Variants in LENG1 observed in about 807,000 individuals in gnomAD.
LENG1 encodes the protein leukocyte receptor cluster member 1.
A neutral mutation model predicts 28.8 loss-of-function variants in LENG1; 35 were observed. The observed-to-expected ratio is 1.22, with a 90% CI of 0.93 to 1.61. The LOEUF is 1.61. LENG1 is among the 40% of genes most tolerant of loss of function. The pLI is 0.00. For synonymous variants in LENG1, 170 were observed against 140.6 expected (o/e 1.21, Z -1.48); for missense variants, 404 against 348.9 (o/e 1.16, Z -1.26).
Position 54,155,595 on chromosome 19 carries a change from C to T in LENG1, c.*126G>A. ...CTGGGGGCCCGGGGGCGAGGGCTGC[C>T]CCCTCCTCCCCTCCCCAGTGAGGGA... is the stretch of plus-strand genomic sequence containing the variant. On this transcript the variant is annotated 3_prime_UTR_variant, in exon 4 of 4. Coordinates refer to ENST00000222224, the MANE Select transcript of LENG1 (RefSeq NM_024316.3). The T allele has an allele frequency of 9.2e-7, 1 of 1,090,198 alleles. No homozygotes were observed. The highest frequency in any genetic ancestry group is 1.3e-6 in the Non-Finnish European group (1 of 765,290). The allele number at this position is 1,090,198 out of a possible 1,614,324, so 67.5% of individuals were successfully genotyped here.
chr19:54,155,550 GTTTT>G lies in LENG1; in HGVS notation c.*167_*170del. On this transcript the variant is annotated 3_prime_UTR_variant, in exon 4 of 4. Transcript: ENST00000222224. ...CAGGAAGCAGGGAGGGGGCCGGGAG[GTTTT>G]CCTCTCAGCCCCACCCTGGGGGCCC... 1.1e-6 allele frequency: 1 copy of G among 929,058 alleles called. No individual in the cohort carries two copies. Among genetic ancestry groups the G allele is most frequent in the Non-Finnish European group, 1.6e-6 (1 of 627,356 alleles). The allele number at this position is 929,058 out of a possible 1,614,324, so 57.6% of individuals were successfully genotyped here. A position where few individuals can be genotyped will look rare whatever the true frequency, so the allele number is the denominator to read the frequency against.
At chr19:54,158,523 T>C (rs770414730) in intron 1 of LENG1, 62 bp from the exon 2 acceptor site, 2 of 1,509,922 alleles carry the variant, frequency 1.3e-6, no homozygotes, top group Non-Finnish European at 1.8e-6. Flanking sequence ...ACTGTGAGTC[T>C]GGTGCCCACC....
chr19:54,159,508 C>A (rs2075461173), intron 1 of LENG1, 56 bp downstream of exon 1: 3 of 1,465,980 alleles, frequency 2.0e-6, no homozygotes, highest in Middle Eastern at 4.9e-4. Flanking sequence ...CGGCCCCCAA[C>A]CGCGGCGCCT....
intron 1 of LENG1, among the ~76,000 whole-genome samples, chr19:54,159,063 G>C (rs1485408019): frequency 6.6e-6 from 1 of 152,238 alleles, no homozygotes; most frequent in Non-Finnish European, 1.5e-5. Context: ...GTGGAGCCTG[G>C]CTGTCCGCCT....
rs2075398823 is a variant in LENG1, at chr19:54,156,853, T to G, written c.485A>C (p.Lys162Thr). The change falls in exon 3 of 4, where the codon AAG becomes ACG. Residue 162 changes from lysine (K) to threonine (T), a missense_variant. Coordinates refer to ENST00000222224, the MANE Select transcript of LENG1 (RefSeq NM_024316.3). ...GTGCTGTCTCTTCTTCCCCAGATGC[T>G]TCTGCATCTCCCGCAGAGGGTCCAG... The part of the protein sequence containing the change: ...SRLDPLREMQ[K>T]HLGKKRQHGG... 1 of 1,613,554 alleles carries G rather than the reference T, an allele frequency of 6.2e-7. No individual in the cohort carries two copies. Among genetic ancestry groups the G allele is most frequent in the East Asian group, 2.2e-5 (1 of 44,880 alleles).
rs762598597 is a variant in LENG1, at chr19:54,158,458, G to A, written c.136C>T (p.Arg46Cys). ...GCTTTCTTCCGTAGGAATTCTGTAC[G>A]GGCCTGGGGAGAAAGTTATAGGCAG... is the stretch of plus-strand genomic sequence containing the variant. ...RRVLLAQQEARTEFLRKKARH... is the reference protein window; with the variant it reads ...RRVLLAQQEACTEFLRKKARH... The change falls in exon 2 of 4, where the codon CGT becomes TGT. Residue 46 changes from arginine (R) to cysteine (C), a missense_variant. Arg to Cys is a radical substitution (Grantham distance 180). Coordinates refer to ENST00000222224, the MANE Select transcript of LENG1 (RefSeq NM_024316.3). The A allele has an allele frequency of 1.2e-6, 2 of 1,612,522 alleles. No homozygotes were observed. Among genetic ancestry groups the A allele is most frequent in the African/African-American group, 1.3e-5 (1 of 74,786 alleles).
rs751319747 is a variant in LENG1 at position 54,155,838 on chromosome 19, T to C, written c.678A>G (p.Leu226=). 5.0e-6 allele frequency: 8 copies of C among 1,612,682 alleles called. No individual in the cohort carries two copies. The highest frequency in any genetic ancestry group is 1.1e-5 in the South Asian group (1 of 90,852). The change falls in exon 4 of 4, where the codon CTA becomes CTG. Residue 226 remains leucine (L), a synonymous_variant. Transcript: ENST00000222224. ...CGTCTTCTTCCGGCTGACCCTCCTG[T>C]AGTGCCCGGCCTTGGACCCGGGCCA... ...ALLARVQGRA[L]QEGQPEEDET...
chr19:54,158,153 T>C, intron 2 of LENG1, 129 bp downstream of exon 2: 2 of 875,878 alleles, frequency 2.3e-6, no homozygotes, highest in Non-Finnish European at 3.6e-6. Context: ...TTGAGTGTCA[T>C]GCCTTGGTAT....
chr19:54,157,211 ACAG>A (rs2075410206), intron 2 of LENG1, among the ~76,000 whole-genome samples, 186 bp from the exon 3 acceptor site: 1 of 152,152 alleles, frequency 6.6e-6, no homozygotes. Context: ...AGGTACAGTA[ACAG>A]CAGGGGAAGG....
chr19:54,157,196 G>A (rs1164829241), intron 2 of LENG1, among the ~76,000 whole-genome samples, 171 bp from the exon 3 acceptor site: 5 of 152,178 alleles, frequency 3.3e-5, no homozygotes, highest in African/African-American at 1.2e-4. Context: ...TGGGGGGACA[G>A]TAGCAGGTAC....
rs1173909959 is a variant in LENG1, at chr19:54,155,789, ACCG to A, written c.724_726del (p.Arg242del). 2.5e-6 allele frequency: 4 copies of A among 1,610,504 alleles called. No homozygotes were observed. The highest frequency in any genetic ancestry group is 2.2e-5 in the East Asian group (1 of 44,780). ...AGCTGGGGGTTGAATTGGGAGTTGT[ACCG>A]CCGCCGCCGGTCATCCGTCTCGTCT... On this transcript the variant is annotated inframe_deletion, in exon 4 of 4. Coordinates refer to ENST00000222224, the MANE Select transcript of LENG1 (RefSeq NM_024316.3).
chr19:54,156,049 AC>A, intron 3 of LENG1, 109 bp from the exon 4 acceptor site: 1 of 979,228 alleles, frequency 1.0e-6, no homozygotes, highest in Non-Finnish European at 1.5e-6. Flanking sequence ...CATCCAGCAC[AC>A]CCCAGCCTCA....
chr19:54,159,535 A>G (rs1242157549), intron 1 of LENG1, 29 bp downstream of exon 1: 6 of 1,512,480 alleles, frequency 4.0e-6, no homozygotes, highest in Admixed American at 4.4e-5. Flanking sequence ...TGGGCCCCGG[A>G]GCGCCGCCCT....
intron 3 of LENG1, 82 bp downstream of exon 3, chr19:54,156,681 A>C: frequency 7.0e-7 from 1 of 1,429,990 alleles, no homozygotes; most frequent in Non-Finnish European, 9.5e-7. Context: ...TGTCCTGACC[A>C]GAGACGCTGC....
Position 54,158,430 on chromosome 19 carries a change from C to T in LENG1, c.164G>A (p.Arg55Lys), listed in dbSNP as rs965971812. 3 of 1,614,050 alleles carry T rather than the reference C, an allele frequency of 1.9e-6. No individual in the cohort carries two copies. The highest frequency in any genetic ancestry group is 2.7e-5 in the African/African-American group (2 of 74,932). The change falls in exon 2 of 4, where the codon AGA becomes AAA. Residue 55 changes from arginine (R) to lysine (K), a missense_variant. Coordinates refer to ENST00000222224, the MANE Select transcript of LENG1 (RefSeq NM_024316.3). ...ARTEFLRKKA[R>K]HQNSLPELEA... ...AAGCTCAGGCAGTGAGTTCTGATGT[C>T]TGGCTTTCTTCCGTAGGAATTCTGT...
intron 3 of LENG1, among the ~76,000 whole-genome samples, 155 bp downstream of exon 3, chr19:54,156,608 C>T (rs1306951874): frequency 2.6e-5 from 4 of 152,134 alleles, no homozygotes; most frequent in African/African-American, 7.2e-5. Flanking sequence ...ACCCCTAGGG[C>T]TCCCTGGACC....
chr19:54,158,138 G>A (rs755900303), intron 2 of LENG1, 144 bp downstream of exon 2: 13 of 800,024 alleles, frequency 1.6e-5, no homozygotes, highest in Admixed American at 6.9e-5. Context: ...AATAGCCAAC[G>A]CTTTTTGAGT....
In LENG1 at chr19:54,155,171, G is replaced by A; in HGVS notation, c.*550C>T. The A allele has an allele frequency of 2.3e-6, 2 of 887,996 alleles. No homozygotes were observed. Among genetic ancestry groups the A allele is most frequent in the Non-Finnish European group, 3.4e-6 (2 of 581,156 alleles). 55.0% of individuals were successfully genotyped at this position (887,996 alleles called of 1,614,324 possible). On this transcript the variant is annotated 3_prime_UTR_variant, in exon 4 of 4. Coordinates refer to ENST00000222224, the MANE Select transcript of LENG1 (RefSeq NM_024316.3). ...AGAAGAACCTTGTGAGGATGGATGA[G>A]AGTGTGTGCGTGCAGGGCAGCTGGC...
intron 2 of LENG1, among the ~76,000 whole-genome samples, chr19:54,158,044 C>T (rs2075427081): frequency 6.6e-6 from 1 of 152,242 alleles, no homozygotes; most frequent in Non-Finnish European, 1.5e-5. Flanking sequence ...TTTGAGACTC[C>T]TCCAGTTTGG....
Sources: gnomAD v4.1 joint callset for allele counts (sites outside exome capture counted in the v4.1 genomes callset) on GRCh38, gnomAD v4.1.1 for gene constraint, MANE v1.5 for transcripts, NCBI Gene and HGNC (gene_info 2026-07-23, HGNC 2026-07-21) for gene names.